The following PAAF1 variants were observed in gnomAD, a reference collection of about 807,000 sequenced individuals.
The protein encoded by PAAF1 is proteasomal ATPase-associated factor 1.
In PAAF1, 46 loss-of-function variants were observed where a neutral mutation model predicts 52.8. That is an observed-to-expected ratio of 0.87 (90% CI 0.69 to 1.11). The LOEUF (loss-of-function observed/expected upper bound fraction) is 1.11, where lower values mean the gene tolerates loss of function less well. PAAF1 is among the 50% of genes most tolerant of loss of function. PAAF1 has a pLI of 0.00. For synonymous variants in PAAF1, 178 were observed against 172.8 expected, an observed-to-expected ratio of 1.03 and a Z score of -0.24; for missense variants, 424 against 477.4, an observed-to-expected ratio of 0.89 and a Z score of 1.04.
At position 73,900,439 on chromosome 11, in the gene PAAF1, C is replaced by A. The variant is rs1949565929; in HGVS notation, c.532+19C>A. 1 of 1,535,874 alleles carries A rather than the reference C, an allele frequency of 6.5e-7. No homozygotes were observed. The highest frequency in any genetic ancestry group is 8.8e-7 in the Non-Finnish European group (1 of 1,132,794). On this transcript the variant is annotated intron_variant, in intron 6 of 11. Coordinates refer to ENST00000310571, the MANE Select transcript of PAAF1 (RefSeq NM_025155.3). ...AAAGGAGGTATGAAGTGTGCTTTCT[C>A]CAAAAGGCTTCTCTAATGATCCCCA...
At chr11:73,915,890 A>G (rs904008259) in intron 8 of PAAF1, among the ~76,000 whole-genome samples, 1 of 152,168 alleles carries the variant, frequency 6.6e-6, no homozygotes, top group African/African-American at 2.4e-5. Context: ...TTTCAGGAAC[A>G]TTACCATTTT....
Position 73,930,984 on chromosome 11 carries a change from T to C in PAAF1, c.*3622T>C, listed in dbSNP as rs1373003365. 6.6e-6 allele frequency: 1 copy of C among 152,026 alleles called. No individual in the cohort carries two copies. The highest frequency in any genetic ancestry group is 1.9e-4 in the East Asian group (1 of 5,196). The allele number at this position is 152,026 out of a possible 1,614,324, so 9.4% of individuals were successfully genotyped here. ...CCCAAAAAATGTTAAGCATTTGAGG[T>C]GATGGATATGTTAACTGGCTTCATT... On this transcript the variant is annotated 3_prime_UTR_variant, in exon 12 of 12. Transcript: ENST00000310571.
intron 2 of PAAF1, among the ~76,000 whole-genome samples, chr11:73,882,414 T>G (rs1948939677): frequency 6.6e-6 from 1 of 150,840 alleles, no homozygotes; most frequent in African/African-American, 2.4e-5. Context: ...TTTGTTTCTG[T>G]GTGTGTTTAT....
intron 4 of PAAF1, among the ~76,000 whole-genome samples, chr11:73,893,371 A>AATTATATAAAT: frequency 6.6e-6 from 1 of 152,276 alleles, no homozygotes; most frequent in East Asian, 1.9e-4. Context: ...TTATTTTTGA[A>AATTATATAAAT]ATTATATAAA....
At position 73,877,017 on chromosome 11, in the gene PAAF1, T is replaced by C. The variant is rs1357617182; in HGVS notation, c.-5T>C. On this transcript the variant is annotated 5_prime_UTR_variant, in exon 1 of 12. Transcript: ENST00000310571. ...AAGAGGTGGGCTGGTGGAGGCGGGG[T>C]CGAGATGGCGGCGCCTTTGAGGATT... 2.6e-6 allele frequency: 4 copies of C among 1,530,014 alleles called. No individual in the cohort carries two copies. In the South Asian group the frequency reaches 4.9e-5, roughly 19 times the overall value. The allele number at this position is 1,530,014 out of a possible 1,614,324, so 94.8% of individuals were successfully genotyped here. A position where few individuals can be genotyped will look rare whatever the true frequency, so the allele number is the denominator to read the frequency against.
intron 6 of PAAF1, among the ~76,000 whole-genome samples, chr11:73,906,273 T>G (rs748808940): frequency 5.9e-5 from 9 of 152,008 alleles, no homozygotes; most frequent in South Asian, 2.1e-4. Context: ...TTGTTTGTTT[T>G]TTTGAGATTC....
chr11:73,880,717 A>AAAAAAAG (rs1948877868), intron 2 of PAAF1: 1 of 145,554 alleles, frequency 6.9e-6, no homozygotes, highest in African/African-American at 2.6e-5. Flanking sequence ...AAAAAAAAAA[A>AAAAAAAG]GCCAGGCACA....
At chr11:73,878,276 G>T (rs907121282) in intron 1 of PAAF1, among the ~76,000 whole-genome samples, 2 of 152,184 alleles carry the variant, frequency 1.3e-5, no homozygotes, top group African/African-American at 4.8e-5. Flanking sequence ...CATGCATCTC[G>T]TCAAATGATA....
At chr11:73,918,116 G>A (rs985179217) in intron 9 of PAAF1, among the ~76,000 whole-genome samples, 20 of 152,080 alleles carry the variant, frequency 1.3e-4, no homozygotes, top group African/African-American at 4.6e-4. Context: ...AGCTGGCCTC[G>A]GTAGAATCCC....
In PAAF1 at chr11:73,891,067, T is replaced by G. The variant is rs544747088; in HGVS notation, c.193-45T>G. Reference sequence around the variant, plus strand: ...TTAAGAGGCTTTAATTATAATACATTGGAGGAGTTTTACTGATGAATCTCA... The same window carrying G: ...TTAAGAGGCTTTAATTATAATACATGGGAGGAGTTTTACTGATGAATCTCA... On this transcript the variant is annotated intron_variant, in intron 3 of 11. Transcript: ENST00000310571. The G allele has an allele frequency of 3.3e-5, 37 of 1,124,060 alleles. No homozygotes were observed. In the Middle Eastern group the frequency reaches 5.9e-4, roughly 18 times the overall value. The allele number at this position is 1,124,060 out of a possible 1,614,324, so 69.6% of individuals were successfully genotyped here.
rs1247642524 is a variant in PAAF1 at position 73,928,662 on chromosome 11, A to G, written c.*1300A>G. ...CTTGAGCTGGGACATGCAGATTAAG[A>G]TTTTTATTTATTTAACGGAGGAAGG... On this transcript the variant is annotated 3_prime_UTR_variant, in exon 12 of 12. Coordinates refer to ENST00000310571, the MANE Select transcript of PAAF1 (RefSeq NM_025155.3). 2.6e-5 allele frequency: 4 copies of G among 152,196 alleles called. No individual in the cohort carries two copies. Among genetic ancestry groups the G allele is most frequent in the Non-Finnish European group, 5.9e-5 (4 of 68,038 alleles). The allele number at this position is 152,196 out of a possible 1,614,324, so 9.4% of individuals were successfully genotyped here.
intron 6 of PAAF1, among the ~76,000 whole-genome samples, chr11:73,904,127 A>G (rs1257545430): frequency 1.3e-5 from 2 of 151,832 alleles, no homozygotes; most frequent in South Asian, 2.1e-4. Context: ...TGGTCCCCCA[A>G]TTGTGTGTGT....
At chr11:73,898,559 A>G (rs1949497320) in intron 4 of PAAF1, among the ~76,000 whole-genome samples, 1 of 152,106 alleles carries the variant, frequency 6.6e-6, no homozygotes, top group South Asian at 2.1e-4. Flanking sequence ...ACGGTGGCCT[A>G]TAATCCCAGC....
chr11:73,924,751 C>T (rs1950308054), intron 11 of PAAF1, 54 bp downstream of exon 11: 1 of 1,402,796 alleles, frequency 7.1e-7, no homozygotes, highest in South Asian at 1.2e-5. Context: ...AGATCTAGGG[C>T]TTTTATGAGA....
chr11:73,887,191 T>C, intron 2 of PAAF1, 163 bp from the exon 3 acceptor site: 1 of 544,648 alleles, frequency 1.8e-6, no homozygotes, highest in Non-Finnish European at 3.3e-6. Context: ...CCTAATCTAA[T>C]TCTCTTTTTA....
At chr11:73,920,473 T>C (rs1158201875) in intron 10 of PAAF1, among the ~76,000 whole-genome samples, 1 of 151,838 alleles carries the variant, frequency 6.6e-6, no homozygotes, top group Non-Finnish European at 1.5e-5. Flanking sequence ...GAGGCTGCAG[T>C]GAGCCATGAT....
At chr11:73,892,207 C>G (rs977208528) in intron 4 of PAAF1, among the ~76,000 whole-genome samples, 1 of 151,534 alleles carries the variant, frequency 6.6e-6, no homozygotes, top group South Asian at 2.1e-4. Flanking sequence ...GTTGTAGTCC[C>G]AGCTACTCTG....
chr11:73,912,565 A>G (rs960343850), intron 7 of PAAF1, among the ~76,000 whole-genome samples: 1 of 151,950 alleles, frequency 6.6e-6, no homozygotes, highest in Non-Finnish European at 1.5e-5. Context: ...CCAAACTATC[A>G]TCATCTATTG....
intron 7 of PAAF1, among the ~76,000 whole-genome samples, chr11:73,911,338 A>G (rs1439979888): frequency 6.6e-6 from 1 of 152,184 alleles, no homozygotes; most frequent in East Asian, 1.9e-4. Context: ...ATGCACCACT[A>G]CACCTAGCTA....
Sources: allele counts gnomAD v4.1 joint callset (sites outside exome capture counted in the v4.1 genomes callset), GRCh38; gene constraint gnomAD v4.1.1; transcripts MANE v1.5; gene names NCBI Gene and HGNC (gene_info 2026-07-23, HGNC 2026-07-21).